CATSPERD: variants seen among roughly 807,000 people sequenced by gnomAD.
CATSPERD encodes the protein cation channel sperm-associated auxiliary subunit delta.
In CATSPERD, 86 loss-of-function variants were observed where a neutral mutation model predicts 98.1. The ratio of observed to expected loss-of-function variants is 0.88; its 90% CI spans 0.74 to 1.05. The LOEUF (loss-of-function observed/expected upper bound fraction) is 1.05, where lower values mean the gene tolerates loss of function less well. CATSPERD is among the 50% of genes least tolerant of loss of function. The pLI is 0.00. For synonymous variants in CATSPERD, 394 were observed against 390.2 expected, an observed-to-expected ratio of 1.01 and a Z score of -0.12; for missense variants, 995 against 1,005.7, an observed-to-expected ratio of 0.99 and a Z score of 0.14.
At chr19:5,741,785 C>CCGGGGGGGGGGGGGGGGGG (rs939602468) in intron 7 of CATSPERD, among the ~76,000 whole-genome samples, 1 of 6,100 alleles carries the variant, frequency 1.6e-4, no homozygotes, top group Non-Finnish European at 4.8e-4. Context: ...ATGCTGAAGG[C>CCGGGGGGGGGGGGGGGGGG]GGGGGGGGGG....
intron 13 of CATSPERD, among the ~76,000 whole-genome samples, chr19:5,756,355 C>T (rs1029423800): frequency 4.6e-5 from 7 of 151,564 alleles, no homozygotes; most frequent in African/African-American, 1.7e-4. Flanking sequence ...TTCATGAGGA[C>T]AGAGTTTCCA....
intron 7 of CATSPERD, among the ~76,000 whole-genome samples, chr19:5,743,867 C>G (rs2056045161): frequency 6.6e-6 from 1 of 152,156 alleles, no homozygotes; most frequent in Non-Finnish European, 1.5e-5. Context: ...TGAGGACTCC[C>G]AGGCAGGAAT....
At chr19:5,772,036 CTCTG>C (rs755451062) in intron 19 of CATSPERD, 123 of 146,364 alleles carry the variant, frequency 8.4e-4, no homozygotes, top group Middle Eastern at 6.8e-3. Flanking sequence ...CTTTCTCTCT[CTCTG>C]TTTCCTTTTT....
intron 5 of CATSPERD, among the ~76,000 whole-genome samples, chr19:5,735,673 C>G (rs775918244): frequency 2.0e-5 from 3 of 151,962 alleles, no homozygotes; most frequent in African/African-American, 4.8e-5. Context: ...TGGGGTTCCA[C>G]CATGTTGGCC....
chr19:5,778,327 C>A, intron 21 of CATSPERD, 49 bp from the exon 22 acceptor site: 1 of 1,535,378 alleles, frequency 6.5e-7, no homozygotes, highest in Non-Finnish European at 8.9e-7. Flanking sequence ...AAGGCGAAGT[C>A]CCCCAAAGGC....
At chr19:5,775,287 C>G in intron 20 of CATSPERD, 1 of 471,402 alleles carries the variant, frequency 2.1e-6, no homozygotes, top group South Asian at 1.5e-5. Flanking sequence ...CTCCCCGCTT[C>G]TAGTGAGTAA....
chr19:5,724,083 G>A (rs1038251774), intron 1 of CATSPERD, among the ~76,000 whole-genome samples: 6 of 150,624 alleles, frequency 4.0e-5, no homozygotes, highest in African/African-American at 1.5e-4. Context: ...GTGAGCCACC[G>A]TGCCTAACTT....
intron 1 of CATSPERD, among the ~76,000 whole-genome samples, chr19:5,724,190 C>T (rs575149243): frequency 2.6e-5 from 4 of 151,550 alleles, no homozygotes; most frequent in African/African-American, 7.2e-5. Context: ...CCTCCCAAAG[C>T]GCTGGGATTA....
At chr19:5,757,680 G>A (rs1212152441) in intron 13 of CATSPERD, among the ~76,000 whole-genome samples, 163 bp from the exon 14 acceptor site, 1 of 145,506 alleles carries the variant, frequency 6.9e-6, no homozygotes, top group Admixed American at 7.2e-5. Context: ...GGCTCAAGCA[G>A]TCTTCTCACC....
chr19:5,742,058 C>CA (rs554619005), intron 7 of CATSPERD, among the ~76,000 whole-genome samples: 2 of 149,980 alleles, frequency 1.3e-5, no homozygotes, highest in East Asian at 2.0e-4. Context: ...AAAGAACAAA[C>CA]AAAAAAAACA....
chr19:5,750,052 C>T (rs2056174864), intron 11 of CATSPERD, among the ~76,000 whole-genome samples: 1 of 151,390 alleles, frequency 6.6e-6, no homozygotes, highest in Non-Finnish European at 1.5e-5. Flanking sequence ...GATCCACCCG[C>T]CTAGGCCTCC....
chr19:5,766,170 G>T lies in CATSPERD; in HGVS notation c.1559+15G>T, dbSNP rs769318597. 5.6e-6 allele frequency: 9 copies of T among 1,610,706 alleles called. No individual in the cohort carries two copies. The highest frequency in any genetic ancestry group is 3.3e-4 in the Middle Eastern group (2 of 6,046). ...GTCATCCAGAAGTAAGTATGTTGAG[G>T]CCGGGCACCATGGCTCATTCCTGTG... On this transcript the variant is annotated intron_variant, in intron 17 of 21. Coordinates refer to ENST00000381624, the MANE Select transcript of CATSPERD (RefSeq NM_152784.4).
At chr19:5,753,027 CAA>C (rs139627967) in intron 12 of CATSPERD, among the ~76,000 whole-genome samples, 64 of 98,918 alleles carry the variant, frequency 6.5e-4, no homozygotes, top group Admixed American at 1.3e-3. Context: ...GACTCCATGT[CAA>C]AAAAAAAAAA....
rs759361807 is a variant in CATSPERD, at chr19:5,776,214, C to A, written c.1995C>A (p.Asp665Glu). The change falls in exon 21 of 22, where the codon GAC (aspartate) becomes GAA (glutamate). Residue 665 changes from aspartate (D) to glutamate (E), a missense_variant. This residue lies in a region of CATSPERD where 762 missense variants were observed against 773.7 expected (regional missense o/e 0.98). Transcript: ENST00000381624. The stretch of plus-strand genomic sequence containing the variant: ...ACAATGCCCCTTTGAGGTGGCCAGA[C>A]GTCCAGTATCAGATCTTGGGCGGCC... ...PNNNAPLRWP[D>E]VQYQILGGRT... 1.2e-6 allele frequency: 2 copies of A among 1,614,226 alleles called. No individual in the cohort carries two copies. Among genetic ancestry groups the A allele is most frequent in the Middle Eastern group, 1.6e-4 (1 of 6,062 alleles).
intron 13 of CATSPERD, among the ~76,000 whole-genome samples, chr19:5,756,544 G>T (rs2056327124): frequency 1.3e-5 from 2 of 152,110 alleles, no homozygotes; most frequent in Admixed American, 1.3e-4. Context: ...GTGATCCAAG[G>T]GGTGGAAGGG....
At chr19:5,768,265 C>T in intron 18 of CATSPERD, 23 bp downstream of exon 18, 2 of 1,604,872 alleles carry the variant, frequency 1.2e-6, no homozygotes, top group South Asian at 1.1e-5. Flanking sequence ...CCCCCCGCAA[C>T]ACCTGACACC....
chr19:5,724,370 A>G (rs546872953), intron 1 of CATSPERD, among the ~76,000 whole-genome samples: 119 of 151,622 alleles, frequency 7.8e-4, no homozygotes, highest in Middle Eastern at 3.4e-3. Context: ...GCCTCATCCA[A>G]TTTTCTAGGG....
intron 12 of CATSPERD, among the ~76,000 whole-genome samples, chr19:5,753,110 G>T (rs1000927329): frequency 6.6e-6 from 1 of 151,682 alleles, no homozygotes; most frequent in African/African-American, 2.4e-5. Flanking sequence ...CTGAACTTAA[G>T]TGATTCTCTA....
At chr19:5,766,253 C>A (rs934548602) in intron 17 of CATSPERD, 98 bp downstream of exon 17, 2 of 809,942 alleles carry the variant, frequency 2.5e-6, no homozygotes, top group Non-Finnish European at 3.6e-6. Flanking sequence ...GAGTTCAAGA[C>A]CAGCCTGGCC....
Sources: allele counts gnomAD v4.1 joint callset (sites outside exome capture counted in the v4.1 genomes callset), GRCh38; gene constraint gnomAD v4.1.1; regional missense constraint gnomAD v4.1.1; transcripts MANE v1.5; gene names NCBI Gene and HGNC (gene_info 2026-07-23, HGNC 2026-07-21).